SLC4A3: variants seen among roughly 807,000 people sequenced by gnomAD.
SLC4A3 encodes anion exchange protein 3.
In SLC4A3, 47 loss-of-function variants were observed where a neutral mutation model predicts 114.2. The observed-to-expected ratio is 0.41, with a 90% CI of 0.33 to 0.52. SLC4A3 has a LOEUF of 0.52. Among genes scored for constraint, SLC4A3 ranks in the 20% least tolerant of loss-of-function variants. The pLI, the probability that SLC4A3 is intolerant of heterozygous loss-of-function variation, is 0.21. For missense variants in SLC4A3, 1,312 were observed against 1,668.3 expected, an observed-to-expected ratio of 0.79 and a Z score of 3.72; for synonymous variants, 693 against 710.3, an observed-to-expected ratio of 0.98 and a Z score of 0.39.
In SLC4A3 at chr2:219,638,168, G is replaced by A. The variant is rs1362307196; in HGVS notation, c.2771G>A (p.Arg924His). The stretch of plus-strand genomic sequence containing the variant: ...CCCCAACTGGCCCCTCTCAAGGCTC[G>A]TCGCATCATCGGGGACTTTGGCATC... The part of the protein sequence containing the change: ...RNSRFLGGKA[R>H]RIIGDFGIPI... Residue 924 changes from arginine (R) to histidine (H), a missense_variant, in exon 18 of 23, where the codon CGT becomes CAT. Arg to His is a conservative substitution (Grantham distance 29). Coordinates refer to ENST00000358055, the MANE Select transcript of SLC4A3 (RefSeq NM_005070.4). The surrounding 1 kb of genome is among the most constrained non-coding windows in gnomAD (Gnocchi z 7.5). 1 of 1,611,072 alleles carries A rather than the reference G, an allele frequency of 6.2e-7. No homozygotes were observed. Among genetic ancestry groups the A allele is most frequent in the Non-Finnish European group, 8.5e-7 (1 of 1,178,462 alleles).
Position 219,627,904 on chromosome 2 carries a change from C to T in SLC4A3, c.-89C>T, listed in dbSNP as rs1415958520. ...GACCCCGCCCTCCTCCCCCAGGGCT[C>T]CCCGCTAGGCCCCCTCAGTGGCCCC... On this transcript the variant is annotated 5_prime_UTR_variant, in exon 2 of 23. Transcript: ENST00000358055. 1.2e-5 allele frequency: 13 copies of T among 1,095,340 alleles called. No individual in the cohort carries two copies. In the Admixed American group the frequency reaches 2.3e-4, roughly 19 times the overall value. The allele number at this position is 1,095,340 out of a possible 1,614,324, so 67.9% of individuals were successfully genotyped here.
chr2:219,640,419 ACCT>A lies in SLC4A3; in HGVS notation c.3278-5_3278-3del, dbSNP rs1169718432. 1.2e-6 allele frequency: 2 copies of A among 1,606,782 alleles called. No homozygotes were observed. Among genetic ancestry groups the A allele is most frequent in the Non-Finnish European group, 1.7e-6 (2 of 1,175,954 alleles). ...TCTGAGGGTCAGGCGGGTCTGTGTC[ACCT>A]CCTCCAGGCCTGTCCATCGTCATGG... On this transcript the variant is annotated splice_region_variant and splice_polypyrimidine_tract_variant and intron_variant, in intron 20 of 22. Transcript: ENST00000358055.
rs1348477880 is a variant in SLC4A3, at chr2:219,632,025, G to C, written c.869G>C (p.Arg290Pro). 4 of 1,613,484 alleles carry C rather than the reference G, an allele frequency of 2.5e-6. No individual in the cohort carries two copies. Among genetic ancestry groups the C allele is most frequent in the Non-Finnish European group, 3.4e-6 (4 of 1,179,814 alleles). Residue 290 changes from arginine to proline, a missense_variant, in exon 7 of 23, where the codon CGG (arginine) becomes CCG (proline). Arg to Pro is a moderately radical substitution (Grantham distance 103, BLOSUM62 -2). Transcript: ENST00000358055. ...VRRHLVKKPSRTQGGRGSPSG... is the reference protein window; with the variant it reads ...VRRHLVKKPSPTQGGRGSPSG... ...CGACACTTAGTGAAAAAGCCCTCCC[G>C]GACGCAGGGCGGGAGGGGCAGTCCC...
chr2:219,631,334 C>G lies in SLC4A3; in HGVS notation c.812-634C>G. 1 of 1,304,198 alleles carries G rather than the reference C, an allele frequency of 7.7e-7. No individual in the cohort carries two copies. Among genetic ancestry groups the G allele is most frequent in the South Asian group, 1.2e-5 (1 of 81,024 alleles). The allele number at this position is 1,304,198 out of a possible 1,614,324, so 80.8% of individuals were successfully genotyped here. A position where few individuals can be genotyped will look rare whatever the true frequency, so the allele number is the denominator to read the frequency against. On this transcript the variant is annotated intron_variant, in intron 6 of 22. Transcript: ENST00000358055. The surrounding 1 kb of genome is among the most constrained non-coding windows in gnomAD (Gnocchi z 6.3). ...GCTGGGGCTTTGGGAGGGATCCAGC[C>G]CCCAGTCCTCGAGACTCACTGGCCC...
At position 219,639,403 on chromosome 2, in the gene SLC4A3, C is replaced by G. The variant is rs1377906670; in HGVS notation, c.3024-79C>G. 4.6e-6 allele frequency: 7 copies of G among 1,517,476 alleles called. No homozygotes were observed. The highest frequency in any genetic ancestry group is 6.3e-6 in the Non-Finnish European group (7 of 1,116,008). The allele number at this position is 1,517,476 out of a possible 1,614,324, so 94.0% of individuals were successfully genotyped here. On this transcript the variant is annotated intron_variant, in intron 19 of 22. Coordinates refer to ENST00000358055, the MANE Select transcript of SLC4A3 (RefSeq NM_005070.4). This position sits in a 1 kb window ranked among gnomAD's most constrained non-coding sequence, Gnocchi z 5.9. Reference sequence around the variant, plus strand: ...TCTGCACGTCCTCCCCCCACCATCTCGTCTCTGTGTGCGTGCCTGTCTTTG... The same window carrying G: ...TCTGCACGTCCTCCCCCCACCATCTGGTCTCTGTGTGCGTGCCTGTCTTTG...
intron 5 of SLC4A3, among the ~76,000 whole-genome samples, 195 bp downstream of exon 5, chr2:219,629,890 G>T (rs1369601605): frequency 3.5e-5 from 5 of 143,066 alleles, no homozygotes; most frequent in East Asian, 4.7e-4. Flanking sequence ...CAAGGGGGGG[G>T]GGAGAAAAAC....
Position 219,628,781 on chromosome 2 carries a change from A to C in SLC4A3, c.217+211A>C. On this transcript the variant is annotated intron_variant, in intron 3 of 22. Transcript: ENST00000358055. The surrounding 1 kb of genome is among the most constrained non-coding windows in gnomAD (Gnocchi z 4.8). ...TGCCTGGGGAGGTGGGCCCCAGACC[A>C]GGGGAGATCTAGGGAGCTGGGCCTG... is the stretch of plus-strand genomic sequence containing the variant. 3.2e-6 allele frequency: 2 copies of C among 630,090 alleles called. No individual in the cohort carries two copies. Among genetic ancestry groups the C allele is most frequent in the Non-Finnish European group, 5.4e-6 (2 of 369,706 alleles). 39.0% of individuals were successfully genotyped at this position (630,090 alleles called of 1,614,324 possible). A position where few individuals can be genotyped will look rare whatever the true frequency, so the allele number is the denominator to read the frequency against.
At chr2:219,632,535 C>T (rs970573247) in intron 8 of SLC4A3, 93 bp downstream of exon 8, 2 of 1,381,594 alleles carry the variant, frequency 1.4e-6, no homozygotes, top group Non-Finnish European at 1.9e-6. Context: ...GAGTCCTGGG[C>T]ACAGGCAAGA....
chr2:219,638,676 C>T lies in SLC4A3; in HGVS notation c.2857-27C>T. ...CTTTCTAGCATGGGGAGGCTGTGTC[C>T]CTGAACCCTGTTTTCCTGCCATGCA... is the stretch of plus-strand genomic sequence containing the variant. On this transcript the variant is annotated intron_variant, in intron 18 of 22. Transcript: ENST00000358055. The surrounding 1 kb of genome is among the most constrained non-coding windows in gnomAD (Gnocchi z 7.5). The T allele has an allele frequency of 6.2e-7, 1 of 1,610,672 alleles. No homozygotes were observed. The highest frequency in any genetic ancestry group is 8.5e-7 in the Non-Finnish European group (1 of 1,178,666).
In SLC4A3 at chr2:219,639,609, G is replaced by A; in HGVS notation, c.3151G>A (p.Val1051Ile). 6.2e-7 allele frequency: 1 copy of A among 1,613,952 alleles called. No homozygotes were observed. Among genetic ancestry groups the A allele is most frequent in the Non-Finnish European group, 8.5e-7 (1 of 1,180,020 alleles). The change falls in exon 20 of 23, where the codon GTC becomes ATC. Residue 1051 changes from valine to isoleucine, a missense_variant. By Grantham distance (29) the Val-to-Ile change is conservative. Coordinates refer to ENST00000358055, the MANE Select transcript of SLC4A3 (RefSeq NM_005070.4). This position sits in a 1 kb window ranked among gnomAD's most constrained non-coding sequence, Gnocchi z 5.9. ...GTTGCCCTGGCTCACGGCTGCCACGGTCCGCTCCGTCACCCATGTCAATGC... is the reference window on the plus strand; with the variant it reads ...GTTGCCCTGGCTCACGGCTGCCACGATCCGCTCCGTCACCCATGTCAATGC... ...FGLPWLTAATVRSVTHVNALT... is the reference protein window; with the variant it reads ...FGLPWLTAATIRSVTHVNALT...
Position 219,631,955 on chromosome 2 carries a change from A to G in SLC4A3, c.812-13A>G. On this transcript the variant is annotated splice_polypyrimidine_tract_variant and intron_variant, in intron 6 of 22. Coordinates refer to ENST00000358055, the MANE Select transcript of SLC4A3 (RefSeq NM_005070.4). This position sits in a 1 kb window ranked among gnomAD's most constrained non-coding sequence, Gnocchi z 6.3. ...CTGGACCTGTGGGACCCCCAAGCCC[A>G]TCTTCTCTGCAGGTCACCGACTGGA... 1 of 1,583,106 alleles carries G rather than the reference A, an allele frequency of 6.3e-7. No individual in the cohort carries two copies.
Position 219,629,491 on chromosome 2 carries a change from G to T in SLC4A3, c.495+70G>T. ...GGGGTACAGAGAGGAGGAGAGGAGTGCGTGTTGGGGGCCTGTGTGAGGCTG... is the reference window on the plus strand; with the variant it reads ...GGGGTACAGAGAGGAGGAGAGGAGTTCGTGTTGGGGGCCTGTGTGAGGCTG... On this transcript the variant is annotated intron_variant, in intron 4 of 22. Coordinates refer to ENST00000358055, the MANE Select transcript of SLC4A3 (RefSeq NM_005070.4). 3.1e-6 allele frequency: 5 copies of T among 1,593,918 alleles called. No homozygotes were observed. In the Middle Eastern group the frequency reaches 6.7e-4, roughly 212 times the overall value.
In SLC4A3 at chr2:219,635,764, T is replaced by C; in HGVS notation, c.2064T>C (p.Asp688=). 6.3e-7 allele frequency: 1 copy of C among 1,595,800 alleles called. No homozygotes were observed. Among genetic ancestry groups the C allele is most frequent in the Non-Finnish European group, 8.5e-7 (1 of 1,173,470 alleles). ...TGSVFGGLVR[D]VRRRYPHYPS... ...CGGTATTTGGGGGGCTTGTGCGGGA[T>C]GTGAGGCGCCGGTACCCGCACTACC... Residue 688 remains aspartate, a synonymous_variant, in exon 14 of 23, where the codon GAT becomes GAC. Transcript: ENST00000358055.
Position 219,641,939 on chromosome 2 carries a change from T to A in SLC4A3, c.*211T>A. On this transcript the variant is annotated 3_prime_UTR_variant, in exon 23 of 23. Transcript: ENST00000358055. The surrounding 1 kb of genome is among the most constrained non-coding windows in gnomAD (Gnocchi z 4.0). ...TCACAGACCAGACCGGCACAGGCTT[T>A]GAGCTCATTATAACCACACTCCTTG... is the stretch of plus-strand genomic sequence containing the variant. 1.9e-6 allele frequency: 1 copy of A among 538,700 alleles called. No homozygotes were observed. The highest frequency in any genetic ancestry group is 3.3e-6 in the Non-Finnish European group (1 of 301,600). 33.4% of individuals were successfully genotyped at this position (538,700 alleles called of 1,614,324 possible). A position where few individuals can be genotyped will look rare whatever the true frequency, so the allele number is the denominator to read the frequency against.
At chr2:219,629,955 G>GAGAGTGACAGAGTAT in intron 5 of SLC4A3, 198 bp from the exon 6 acceptor site, 2 of 1,027,080 alleles carry the variant, frequency 1.9e-6, no homozygotes, top group Non-Finnish European at 2.8e-6. Context: ...TGACAGAGTA[G>GAGAGTGACAGAGTAT]AGAGGGTGAG....
At chr2:219,635,967 G>T in intron 14 of SLC4A3, 76 bp downstream of exon 14, 1 of 1,232,598 alleles carries the variant, frequency 8.1e-7, no homozygotes, top group South Asian at 1.6e-5. Flanking sequence ...CAGGATTCTG[G>T]GTCTGGGTGT....
Position 219,639,372 on chromosome 2 carries a change from C to T in SLC4A3, c.3024-110C>T. ...AAGAAGCTGGCAGTCCTAGGGAGAA[C>T]TGTTGTCTGCACGTCCTCCCCCCAC... On this transcript the variant is annotated intron_variant, in intron 19 of 22. Transcript: ENST00000358055. The surrounding 1 kb of genome is among the most constrained non-coding windows in gnomAD (Gnocchi z 5.9). 8 of 1,321,806 alleles carry T rather than the reference C, an allele frequency of 6.1e-6. No homozygotes were observed. Among genetic ancestry groups the T allele is most frequent in the Non-Finnish European group, 8.4e-6 (8 of 951,976 alleles). 81.9% of individuals were successfully genotyped at this position (1,321,806 alleles called of 1,614,324 possible). A position where few individuals can be genotyped will look rare whatever the true frequency, so the allele number is the denominator to read the frequency against.
In SLC4A3 at chr2:219,629,387, A is replaced by G. The variant is rs1353474845; in HGVS notation, c.461A>G (p.Glu154Gly). 6.3e-7 allele frequency: 1 copy of G among 1,589,796 alleles called. No homozygotes were observed. Among genetic ancestry groups the G allele is most frequent in the South Asian group, 1.1e-5 (1 of 87,036 alleles). ...GGAGAATCTGAGGCAGAACCTGTGG[A>G]GCCCCCCCACTCAGGGACCCCACAG... ...EEGESEAEPV[E>G]PPHSGTPQKA... Residue 154 changes from glutamate (E) to glycine (G), a missense_variant, in exon 4 of 23, where the codon GAG becomes GGG. By Grantham distance (98) the Glu-to-Gly change is moderately conservative (BLOSUM62 -2). This residue lies in a region of SLC4A3 where 236 missense variants were observed against 212.1 expected (regional missense o/e 1.11). Coordinates refer to ENST00000358055, the MANE Select transcript of SLC4A3 (RefSeq NM_005070.4).
intron 13 of SLC4A3, 52 bp downstream of exon 13, chr2:219,635,548 G>T (rs1359160477): frequency 1.3e-6 from 2 of 1,519,938 alleles, no homozygotes. Flanking sequence ...CCATCCCAGG[G>T]CCCTAAGGCT....
Sources: gnomAD v4.1 joint callset for allele counts (sites outside exome capture counted in the v4.1 genomes callset) on GRCh38, gnomAD v4.1.1 for gene constraint, gnomAD v4.1.1 regional missense constraint, Gnocchi (gnomAD v3.1) non-coding constraint, MANE v1.5 for transcripts, NCBI Gene and HGNC (gene_info 2026-07-23, HGNC 2026-07-21) for gene names.